Variants in ZDHHC11B observed in about 807,000 individuals in gnomAD.
ZDHHC11B encodes the protein zDHHC palmitoyltransferase 11B (putative).
ZDHHC11B carries 17 observed loss-of-function variants against 42.3 expected under a neutral mutation model. The ratio of observed to expected loss-of-function variants is 0.40; its 90% CI spans 0.27 to 0.60. The LOEUF (loss-of-function observed/expected upper bound fraction) is 0.60. Among genes scored for constraint, ZDHHC11B ranks in the 20% least tolerant of loss-of-function variants. The probability of loss-of-function intolerance (pLI) is 0.41; values close to 1 mark genes in which losing one functional copy is unlikely to be tolerated. For synonymous variants in ZDHHC11B, 123 were observed against 193.5 expected, an observed-to-expected ratio of 0.64 and a Z score of 3.02; for missense variants, 262 against 463.2, an observed-to-expected ratio of 0.57 and a Z score of 3.99.
At chr5:770,019 G>A (rs577926898) in intron 1 of ZDHHC11B, among the ~76,000 whole-genome samples, 16 of 151,990 alleles carry the variant, frequency 1.1e-4, no homozygotes, top group East Asian at 9.7e-4. Flanking sequence ...CAACTCCAGC[G>A]ACAGCTTCTT....
At chr5:733,887 G>A (rs1211659304) in intron 10 of ZDHHC11B, 48 bp from the exon 11 acceptor site, 2 of 1,527,890 alleles carry the variant, frequency 1.3e-6, no homozygotes, top group South Asian at 2.3e-5. Context: ...CTTTGTGGGG[G>A]GGCTCAGGGT....
chr5:775,754 C>T, intron 1 of ZDHHC11B, among the ~76,000 whole-genome samples: 1 of 151,750 alleles, frequency 6.6e-6, no homozygotes. Flanking sequence ...TGGCAGGGGC[C>T]ATGCTGGCTC....
chr5:774,884 C>A (rs1220472530), intron 1 of ZDHHC11B, among the ~76,000 whole-genome samples: 23 of 152,010 alleles, frequency 1.5e-4, no homozygotes, highest in African/African-American at 4.6e-4. Context: ...TGTTCACTGC[C>A]CACGCCCACG....
intron 1 of ZDHHC11B, among the ~76,000 whole-genome samples, chr5:769,989 C>T (rs574116372): frequency 2.2e-4 from 34 of 152,032 alleles, no homozygotes; most frequent in African/African-American, 7.7e-4. Context: ...CCGTCCACAC[C>T]ACTCGGTGCA....
chr5:777,254 C>A (rs1736586612), intron 1 of ZDHHC11B, among the ~76,000 whole-genome samples: 1 of 151,842 alleles, frequency 6.6e-6, no homozygotes, highest in Non-Finnish European at 1.5e-5. Flanking sequence ...CAAGGTGACG[C>A]CTCTGGAGTC....
chr5:717,392 G>A (rs1311484199), intron 12 of ZDHHC11B, among the ~76,000 whole-genome samples: 4 of 151,728 alleles, frequency 2.6e-5, no homozygotes, highest in African/African-American at 4.9e-5. Context: ...TGGCAGGAGA[G>A]GTGACCGTGT....
At chr5:746,585 C>T (rs1328869457) in intron 8 of ZDHHC11B, among the ~76,000 whole-genome samples, 1 of 146,626 alleles carries the variant, frequency 6.8e-6, no homozygotes, top group African/African-American at 2.5e-5. Context: ...CCAGGTCATC[C>T]CTCCCAGCCC....
Position 720,169 on chromosome 5 carries a change from G to A in ZDHHC11B, c.1059-3304C>T, listed in dbSNP as rs1742076770. ...AGGAATGAATCTACACATCCAAGGA[G>A]CTCAACGAATTCCAAGCAGGCTATA... On this transcript the variant is annotated intron_variant, in intron 12 of 13. Coordinates refer to ENST00000508859, the MANE Select transcript of ZDHHC11B (RefSeq NM_001351303.2). Among the ~76,000 whole-genome samples, 9 of 151,916 alleles carry A rather than the reference G, an allele frequency of 5.9e-5. No individual in the cohort carries two copies. The South Asian group carries it at 1.7e-3, about 28-fold the overall frequency.
rs1745566664 is a variant in ZDHHC11B at position 751,067 on chromosome 5, G to A, written c.628+66C>T. 4.7e-6 allele frequency: 4 copies of A among 858,890 alleles called. 1 individual carries two copies. Among genetic ancestry groups the A allele is most frequent in the Middle Eastern group, 4.3e-4 (1 of 2,348 alleles). 53.2% of individuals were successfully genotyped at this position (858,890 alleles called of 1,614,324 possible). On this transcript the variant is annotated intron_variant, in intron 7 of 13. Transcript: ENST00000508859. ...AAGAGGGGCCGACCACCCCAGACCC[G>A]ATACTACCGCCCGGAAAGACGGCTG... is the stretch of plus-strand genomic sequence containing the variant.
At chr5:744,293 G>A (rs1744498559) in intron 9 of ZDHHC11B, among the ~76,000 whole-genome samples, 1 of 149,766 alleles carries the variant, frequency 6.7e-6, no homozygotes, top group Non-Finnish European at 1.5e-5. Context: ...TCTGGCTTTG[G>A]TGTCAGGTTG....
At chr5:783,387 TCTC>T (rs1737000062) in intron 1 of ZDHHC11B, among the ~76,000 whole-genome samples, 1 of 152,220 alleles carries the variant, frequency 6.6e-6, no homozygotes, top group African/African-American at 2.4e-5. Context: ...TCCAGCCCCA[TCTC>T]CTAGTCCCAG....
chr5:711,355 GTT>G lies in ZDHHC11B; in HGVS notation c.*933_*934del, dbSNP rs1741356822. On this transcript the variant is annotated 3_prime_UTR_variant, in exon 14 of 14. Coordinates refer to ENST00000508859, the MANE Select transcript of ZDHHC11B (RefSeq NM_001351303.2). ...CTGTGCTCCCATTTCCCAGTACTAT[GTT>G]CCCATTTCCCAGTGCTGTGAGCTCC... 1 of 150,834 alleles carries G rather than the reference GTT, an allele frequency of 6.6e-6. No homozygotes were observed. The allele number at this position is 150,834 out of a possible 1,614,324, so 9.3% of individuals were successfully genotyped here. A position where few individuals can be genotyped will look rare whatever the true frequency, so the allele number is the denominator to read the frequency against.
intron 13 of ZDHHC11B, among the ~76,000 whole-genome samples, chr5:713,775 G>A (rs1192292377): frequency 6.6e-6 from 1 of 151,896 alleles, no homozygotes; most frequent in Non-Finnish European, 1.5e-5. Context: ...GATCCCCCCT[G>A]ATTCCTTTGC....
intron 1 of ZDHHC11B, among the ~76,000 whole-genome samples, chr5:780,963 C>T (rs1736915561): frequency 6.7e-6 from 1 of 148,718 alleles, no homozygotes; most frequent in East Asian, 2.1e-4. Flanking sequence ...GTGGGAGATG[C>T]AGGTGGCTGT....
intron 6 of ZDHHC11B, among the ~76,000 whole-genome samples, 200 bp from the exon 7 acceptor site, chr5:751,457 GGCATC>G (rs1745701462): frequency 3.4e-5 from 1 of 29,654 alleles, no homozygotes; most frequent in African/African-American, 8.7e-5. Flanking sequence ...GGACACGCAG[GGCATC>G]TGAGGCAGGG....
Position 784,656 on chromosome 5 carries a change from GCGC to G in ZDHHC11B, c.-230+9_-230+11del, listed in dbSNP as rs1737126230. ...CGCCGCGCCCGCAGGACCGAGCCCCGCGCCCGCTTACCTTGGAGACGCAGCAAC... is the reference window on the plus strand; with the variant it reads ...CGCCGCGCCCGCAGGACCGAGCCCCGCCGCTTACCTTGGAGACGCAGCAAC... On this transcript the variant is annotated intron_variant, in intron 1 of 13. Coordinates refer to ENST00000508859, the MANE Select transcript of ZDHHC11B (RefSeq NM_001351303.2). 6.7e-6 allele frequency among the ~76,000 whole-genome samples: 1 copy of G among 150,272 alleles called. No individual in the cohort carries two copies. Among genetic ancestry groups the G allele is most frequent in the South Asian group, 2.1e-4 (1 of 4,752 alleles).
At position 735,754 on chromosome 5, in the gene ZDHHC11B, A is replaced by T. The variant is rs528815935; in HGVS notation, c.936-1915T>A. On this transcript the variant is annotated intron_variant, in intron 10 of 13. Transcript: ENST00000508859. Reference sequence around the variant, plus strand: ...GAAGTAGAAAAAATGTCTGTTTCAGAACAACAAATGCTGAGAGAACTAGCC... The same window carrying T: ...GAAGTAGAAAAAATGTCTGTTTCAGTACAACAAATGCTGAGAGAACTAGCC... Among the ~76,000 whole-genome samples the T allele has an allele frequency of 1.8e-4, 27 of 149,892 alleles. 4 individuals carry two copies. The South Asian group carries it at 5.5e-3, about 30-fold the overall frequency.
chr5:754,218 C>CA (rs1746215318), intron 6 of ZDHHC11B, among the ~76,000 whole-genome samples: 1 of 91,518 alleles, frequency 1.1e-5, no homozygotes, highest in African/African-American at 3.8e-5. Flanking sequence ...TCAGGGGAAA[C>CA]ACGTCTCATC....
At chr5:778,049 C>A (rs1736689592) in intron 1 of ZDHHC11B, among the ~76,000 whole-genome samples, 1 of 151,958 alleles carries the variant, frequency 6.6e-6, no homozygotes, top group African/African-American at 2.4e-5. Flanking sequence ...CGCACCTCCG[C>A]AGCCACCGTA....
Sources: allele counts gnomAD v4.1 joint callset (sites outside exome capture counted in the v4.1 genomes callset), GRCh38; gene constraint gnomAD v4.1.1; transcripts MANE v1.5; gene names NCBI Gene and HGNC (gene_info 2026-07-23, HGNC 2026-07-21).